The following GJD2 variants were observed in gnomAD, a reference collection of about 807,000 sequenced individuals.
The protein encoded by GJD2 is gap junction protein delta 2, also known as gap junction delta-2 protein.
In GJD2, 12 loss-of-function variants were observed where a neutral mutation model predicts 24.3. That is an observed-to-expected ratio of 0.49 (90% CI 0.32 to 0.80). GJD2 has a LOEUF of 0.80. GJD2 is among the 30% of genes least tolerant of loss of function. GJD2 has a pLI of 0.04. For synonymous variants in GJD2, 171 were observed against 155.2 expected, an observed-to-expected ratio of 1.10 and a Z score of -0.76; for missense variants, 268 against 402.4, an observed-to-expected ratio of 0.67 and a Z score of 2.86.
In GJD2 at chr15:34,753,132, C is replaced by G; in HGVS notation, c.312G>C (p.Gln104His). The G allele has an allele frequency of 6.2e-7, 1 of 1,614,134 alleles. No homozygotes were observed. Among genetic ancestry groups the G allele is most frequent in the Non-Finnish European group, 8.5e-7 (1 of 1,180,036 alleles). The stretch of plus-strand genomic sequence containing the variant: ...AGACTGTAGAGTAGCGGCGTTCTCG[C>G]TGCTTGGCGGACTGGTGCACAGAGT... ...ITYSVHQSAK[Q>H]RERRYSTVFL... The change falls in exon 2 of 2, where the codon CAG (glutamine) becomes CAC (histidine). Residue 104 changes from glutamine to histidine, a missense_variant. Around this residue, in one of 3 missense-constraint regions of GJD2, gnomAD observed 87 missense variants for 77.8 expected, o/e 1.12. Coordinates refer to ENST00000290374, the MANE Select transcript of GJD2 (RefSeq NM_020660.3).
intron 1 of GJD2, 42 bp from the exon 2 acceptor site, chr15:34,753,414 G>C: frequency 6.5e-7 from 1 of 1,537,156 alleles, no homozygotes; most frequent in African/African-American, 1.4e-5. Context: ...CTCACGGGCT[G>C]CGTCACTGAC....
At position 34,752,200 on chromosome 15, in the gene GJD2, C is replaced by G; in HGVS notation, c.*278G>C. ...GGTAGCTGTGCAAGTTCAGTGTTAT[C>G]AGGATCAGGCTAGGCCATAAACAGA... is the stretch of plus-strand genomic sequence containing the variant. On this transcript the variant is annotated 3_prime_UTR_variant, in exon 2 of 2. Transcript: ENST00000290374. 4.6e-6 allele frequency: 2 copies of G among 439,218 alleles called. No individual in the cohort carries two copies. Among genetic ancestry groups the G allele is most frequent in the South Asian group, 6.4e-5 (2 of 31,114 alleles). The allele number at this position is 439,218 out of a possible 1,614,324, so 27.2% of individuals were successfully genotyped here. A position where few individuals can be genotyped will look rare whatever the true frequency, so the allele number is the denominator to read the frequency against.
At position 34,754,353 on chromosome 15, in the gene GJD2, G is replaced by C; in HGVS notation, c.71+65C>G. 1 of 1,081,994 alleles carries C rather than the reference G, an allele frequency of 9.2e-7. No individual in the cohort carries two copies. Among genetic ancestry groups the C allele is most frequent in the East Asian group, 2.4e-5 (1 of 42,324 alleles). The allele number at this position is 1,081,994 out of a possible 1,614,324, so 67.0% of individuals were successfully genotyped here. ...GATTGGAGCGGGAGACTCAGTCCAGGTGTGAGAAGGGACTCCCGGGGGCCG... is the reference window on the plus strand; with the variant it reads ...GATTGGAGCGGGAGACTCAGTCCAGCTGTGAGAAGGGACTCCCGGGGGCCG... On this transcript the variant is annotated intron_variant, in intron 1 of 1. Coordinates refer to ENST00000290374, the MANE Select transcript of GJD2 (RefSeq NM_020660.3). The surrounding 1 kb of genome is among the most constrained non-coding windows in gnomAD (Gnocchi z 5.9).
Position 34,752,805 on chromosome 15 carries a change from G to A in GJD2, c.639C>T (p.Phe213=), listed in dbSNP as rs896854275. The change falls in exon 2 of 2, where the codon TTC becomes TTT. Residue 213 remains phenylalanine, a synonymous_variant. Transcript: ENST00000290374. ...CATAGAGAAAATATTGGCCAACCAGGAACCCAATTTCCAGGGCATTTCGGA... is the reference window on the plus strand; with the variant it reads ...CATAGAGAAAATATTGGCCAACCAGAAACCCAATTTCCAGGGCATTTCGGA... The part of the protein sequence containing the change: ...VVFRNALEIG[F]LVGQYFLYGF... 2.5e-6 allele frequency: 4 copies of A among 1,614,018 alleles called. No individual in the cohort carries two copies. The African/African-American group carries it at 5.3e-5, about 22-fold the overall frequency.
At position 34,751,345 on chromosome 15, in the gene GJD2, T is replaced by G. The variant is rs891971295; in HGVS notation, c.*1133A>C. ...TAAACACACGTTAGCCAATAGTGTT[T>G]AGTTGCAGGTCTTTTAAGCCAGTAA... On this transcript the variant is annotated 3_prime_UTR_variant, in exon 2 of 2. Transcript: ENST00000290374. 2 of 152,104 alleles carry G rather than the reference T, an allele frequency of 1.3e-5. No homozygotes were observed. The highest frequency in any genetic ancestry group is 4.8e-5 in the African/African-American group (2 of 41,344). The allele number at this position is 152,104 out of a possible 1,614,324, so 9.4% of individuals were successfully genotyped here.
Position 34,751,219 on chromosome 15 carries a change from G to A in GJD2, c.*1259C>T, listed in dbSNP as rs898533509. The A allele has an allele frequency of 2.0e-5, 3 of 152,188 alleles. No homozygotes were observed. Among genetic ancestry groups the A allele is most frequent in the Non-Finnish European group, 2.9e-5 (2 of 68,042 alleles). 9.4% of individuals were successfully genotyped at this position (152,188 alleles called of 1,614,324 possible). On this transcript the variant is annotated 3_prime_UTR_variant, in exon 2 of 2. Coordinates refer to ENST00000290374, the MANE Select transcript of GJD2 (RefSeq NM_020660.3). ...ATACACAGTGGATATGAAAGGTACA[G>A]TATGGCACTTAAATAAATAAGAGCA...
At chr15:34,753,790 T>C (rs1566960384) in intron 1 of GJD2, among the ~76,000 whole-genome samples, 1 of 152,170 alleles carries the variant, frequency 6.6e-6, no homozygotes, top group Non-Finnish European at 1.5e-5. Context: ...GTATATTTAG[T>C]TTATTCTCAA....
intron 1 of GJD2, 147 bp from the exon 2 acceptor site, chr15:34,753,519 G>A (rs186306946): frequency 1.3e-5 from 9 of 683,906 alleles, no homozygotes; most frequent in African/African-American, 9.0e-5. Context: ...CTAGGAATCT[G>A]GGAAAGCTTT....
intron 1 of GJD2, among the ~76,000 whole-genome samples, chr15:34,753,940 T>C (rs1168293122): frequency 6.6e-6 from 1 of 152,144 alleles, no homozygotes; most frequent in East Asian, 1.9e-4. Context: ...ATTGGGTGTG[T>C]AGGCTCGGTA....
rs1038772684 is a variant in GJD2 at position 34,752,446 on chromosome 15, C to A, written c.*32G>T. On this transcript the variant is annotated 3_prime_UTR_variant, in exon 2 of 2. Coordinates refer to ENST00000290374, the MANE Select transcript of GJD2 (RefSeq NM_020660.3). ...CAGTCATCTGCCTTGGGGCTCCTTG[C>A]CATCCCCCAGACCTTCATGAAACCT... The A allele has an allele frequency of 7.6e-6, 12 of 1,589,098 alleles. No homozygotes were observed. Among genetic ancestry groups the A allele is most frequent in the Non-Finnish European group, 1.0e-5 (12 of 1,163,950 alleles).
Position 34,753,056 on chromosome 15 carries a change from T to A in GJD2, c.388A>T (p.Thr130Ser). 2 of 1,613,850 alleles carry A rather than the reference T, an allele frequency of 1.2e-6. No homozygotes were observed. The highest frequency in any genetic ancestry group is 1.7e-6 in the Non-Finnish European group (2 of 1,179,914). Residue 130 changes from threonine to serine, a missense_variant, in exon 2 of 2, where the codon ACT (threonine) becomes TCT (serine). Transcript: ENST00000290374. Reference sequence around the variant, plus strand: ...CCCCCACCACTGCCCCCACCCCCAGTTCCTCCAGGACCTCCTATGGACTCA... The same window carrying A: ...CCCCCACCACTGCCCCCACCCCCAGATCCTCCAGGACCTCCTATGGACTCA... ...PPESIGGPGGTGGGGSGGGKR... is the reference protein window; with the variant it reads ...PPESIGGPGGSGGGGSGGGKR...
Position 34,752,290 on chromosome 15 carries a change from T to C in GJD2, c.*188A>G. ...TACCCAATCGTCTCTGTAGAACCAA[T>C]TAGGTGATATGTGAAAATGGGTCCA... is the stretch of plus-strand genomic sequence containing the variant. On this transcript the variant is annotated 3_prime_UTR_variant, in exon 2 of 2. Transcript: ENST00000290374. The C allele has an allele frequency of 1.7e-6, 1 of 599,916 alleles. No homozygotes were observed. The highest frequency in any genetic ancestry group is 2.9e-6 in the Non-Finnish European group (1 of 339,188). The allele number at this position is 599,916 out of a possible 1,614,324, so 37.2% of individuals were successfully genotyped here.
In GJD2 at chr15:34,754,325, G is replaced by T. The variant is rs1756600345; in HGVS notation, c.71+93C>A. On this transcript the variant is annotated intron_variant, in intron 1 of 1. Coordinates refer to ENST00000290374, the MANE Select transcript of GJD2 (RefSeq NM_020660.3). The surrounding 1 kb of genome is among the most constrained non-coding windows in gnomAD (Gnocchi z 5.9). ...ATGGGGAGGAGGCAGAGGACGGACT[G>T]GGGATTGGAGCGGGAGACTCAGTCC... 1.1e-6 allele frequency: 1 copy of T among 871,612 alleles called. No homozygotes were observed. The highest frequency in any genetic ancestry group is 1.4e-5 in the South Asian group (1 of 73,556). 54.0% of individuals were successfully genotyped at this position (871,612 alleles called of 1,614,324 possible).
At position 34,754,353 on chromosome 15, in the gene GJD2, G is replaced by A; in HGVS notation, c.71+65C>T. 9.2e-7 allele frequency: 1 copy of A among 1,081,994 alleles called. No individual in the cohort carries two copies. Among genetic ancestry groups the A allele is most frequent in the Admixed American group, 1.7e-5 (1 of 58,686 alleles). 67.0% of individuals were successfully genotyped at this position (1,081,994 alleles called of 1,614,324 possible). Reference sequence around the variant, plus strand: ...GATTGGAGCGGGAGACTCAGTCCAGGTGTGAGAAGGGACTCCCGGGGGCCG... The same window carrying A: ...GATTGGAGCGGGAGACTCAGTCCAGATGTGAGAAGGGACTCCCGGGGGCCG... On this transcript the variant is annotated intron_variant, in intron 1 of 1. Coordinates refer to ENST00000290374, the MANE Select transcript of GJD2 (RefSeq NM_020660.3). This position sits in a 1 kb window ranked among gnomAD's most constrained non-coding sequence, Gnocchi z 5.9.
Position 34,754,356 on chromosome 15 carries a change from T to G in GJD2, c.71+62A>C. 2 of 1,145,718 alleles carry G rather than the reference T, an allele frequency of 1.7e-6. No homozygotes were observed. The highest frequency in any genetic ancestry group is 2.6e-6 in the Non-Finnish European group (2 of 755,630). The allele number at this position is 1,145,718 out of a possible 1,614,324, so 71.0% of individuals were successfully genotyped here. On this transcript the variant is annotated intron_variant, in intron 1 of 1. Transcript: ENST00000290374. The surrounding 1 kb of genome is among the most constrained non-coding windows in gnomAD (Gnocchi z 5.9). The stretch of plus-strand genomic sequence containing the variant: ...TGGAGCGGGAGACTCAGTCCAGGTG[T>G]GAGAAGGGACTCCCGGGGGCCGCCC...
In GJD2 at chr15:34,754,827, G is replaced by GTTTTTTAATGATA; in HGVS notation, c.-340_-339insTATCATTAAAAAA. On this transcript the variant is annotated 5_prime_UTR_variant, in exon 1 of 2. Transcript: ENST00000290374. This position sits in a 1 kb window ranked among gnomAD's most constrained non-coding sequence, Gnocchi z 5.9. The stretch of plus-strand genomic sequence containing the variant: ...GCAGCCTGCAGGTCCTCCAGCGCTC[G>GTTTTTTAATGATA]CCCGCCCAGGAGAAGTCTCAGCGCC... 1 of 251,914 alleles carries GTTTTTTAATGATA rather than the reference G, an allele frequency of 4.0e-6. No homozygotes were observed. Among genetic ancestry groups the GTTTTTTAATGATA allele is most frequent in the Non-Finnish European group, 7.7e-6 (1 of 130,604 alleles). The allele number at this position is 251,914 out of a possible 1,614,324, so 15.6% of individuals were successfully genotyped here. A position where few individuals can be genotyped will look rare whatever the true frequency, so the allele number is the denominator to read the frequency against.
chr15:34,752,313 C>T lies in GJD2; in HGVS notation c.*165G>A. 1.6e-6 allele frequency: 1 copy of T among 624,250 alleles called. No individual in the cohort carries two copies. Among genetic ancestry groups the T allele is most frequent in the Non-Finnish European group, 2.8e-6 (1 of 358,614 alleles). 38.7% of individuals were successfully genotyped at this position (624,250 alleles called of 1,614,324 possible). On this transcript the variant is annotated 3_prime_UTR_variant, in exon 2 of 2. Transcript: ENST00000290374. ...AATTAGGTGATATGTGAAAATGGGTCCACTTTTCCTCCTTTCCCATTGGTG... is the reference window on the plus strand; with the variant it reads ...AATTAGGTGATATGTGAAAATGGGTTCACTTTTCCTCCTTTCCCATTGGTG...
rs958207930 is a variant in GJD2, at chr15:34,754,138, C to T, written c.71+280G>A. Among the ~76,000 whole-genome samples, 1 of 152,190 alleles carries T rather than the reference C, an allele frequency of 6.6e-6. No homozygotes were observed. Among genetic ancestry groups the T allele is most frequent in the African/African-American group, 2.4e-5 (1 of 41,446 alleles). ...ACTCTGGAGAGTGGAGGGACCAAGACTGAGCCAGCGGCTCCTTTTCTGATG... is the reference window on the plus strand; with the variant it reads ...ACTCTGGAGAGTGGAGGGACCAAGATTGAGCCAGCGGCTCCTTTTCTGATG... On this transcript the variant is annotated intron_variant, in intron 1 of 1. Coordinates refer to ENST00000290374, the MANE Select transcript of GJD2 (RefSeq NM_020660.3). The surrounding 1 kb of genome is among the most constrained non-coding windows in gnomAD (Gnocchi z 5.9).
chr15:34,751,639 G>A lies in GJD2; in HGVS notation c.*839C>T, dbSNP rs1595748388. ...TAATGTTAACCAAAGTCCACAAGCTGGAAGGCAGAAATATCCTGAAGCTCG... is the reference window on the plus strand; with the variant it reads ...TAATGTTAACCAAAGTCCACAAGCTAGAAGGCAGAAATATCCTGAAGCTCG... On this transcript the variant is annotated 3_prime_UTR_variant, in exon 2 of 2. Transcript: ENST00000290374. The A allele has an allele frequency of 6.6e-6, 1 of 152,200 alleles. No individual in the cohort carries two copies. Among genetic ancestry groups the A allele is most frequent in the Middle Eastern group, 3.4e-3 (1 of 294 alleles). 9.4% of individuals were successfully genotyped at this position (152,200 alleles called of 1,614,324 possible). A position where few individuals can be genotyped will look rare whatever the true frequency, so the allele number is the denominator to read the frequency against.
Sources: allele counts gnomAD v4.1 joint callset (sites outside exome capture counted in the v4.1 genomes callset), GRCh38; gene constraint gnomAD v4.1.1; regional missense constraint gnomAD v4.1.1; non-coding constraint Gnocchi (gnomAD v3.1); transcripts MANE v1.5; gene names NCBI Gene and HGNC (gene_info 2026-07-23, HGNC 2026-07-21).